The following RELN variants were observed in gnomAD, a reference collection of about 807,000 sequenced individuals.
RELN encodes reelin.
In RELN, 108 loss-of-function variants were observed where a neutral mutation model predicts 427.6. That is an observed-to-expected ratio of 0.25 (90% CI 0.22 to 0.30). The LOEUF is 0.30. Ranked by LOEUF, RELN falls within the 10% of genes least tolerant of loss-of-function variation. The pLI is 1.00. For missense variants in RELN, 3,715 were observed against 4,302.8 expected, an observed-to-expected ratio of 0.86 and a Z score of 3.82; for synonymous variants, 1,524 against 1,513.4, an observed-to-expected ratio of 1.01 and a Z score of -0.16.
chr7:103,868,100 CCATATGGACA>C (rs1794243344), intron 2 of RELN, among the ~76,000 whole-genome samples: 1 of 152,076 alleles, frequency 6.6e-6, no homozygotes, highest in Non-Finnish European at 1.5e-5. Flanking sequence ...GGATGGCACT[CCATATGGACA>C]CAAATACAGA....
chr7:103,688,453 G>T (rs922657489), intron 10 of RELN, among the ~76,000 whole-genome samples: 6 of 152,052 alleles, frequency 3.9e-5, no homozygotes, highest in African/African-American at 1.2e-4. Context: ...ACATTGCATG[G>T]AAGATGAATT....
chr7:103,559,721 T>TG (rs1830601412), intron 36 of RELN, among the ~76,000 whole-genome samples: 1 of 152,194 alleles, frequency 6.6e-6, no homozygotes, highest in Admixed American at 6.5e-5. Flanking sequence ...ACTAGAGGTG[T>TG]GCACCACTGT....
chr7:103,568,779 T>C (rs1018190822), intron 31 of RELN, among the ~76,000 whole-genome samples: 4 of 152,156 alleles, frequency 2.6e-5, no homozygotes, highest in Non-Finnish European at 5.9e-5. Flanking sequence ...AGGCTGAGAT[T>C]GAGATTACTT....
In RELN at chr7:103,575,623, C is replaced by T. The variant is rs374927338; in HGVS notation, c.4228G>A (p.Glu1410Lys). 100 of 1,614,124 alleles carry T rather than the reference C, an allele frequency of 6.2e-5. No individual in the cohort carries two copies. In the South Asian group the frequency reaches 7.7e-4, roughly 12 times the overall value. Residue 1410 changes from glutamate to lysine, a missense_variant, in exon 29 of 65, where the codon GAG becomes AAG. Physicochemically the swap from Glu to Lys is moderately conservative, Grantham distance 56 (BLOSUM62 1). Around this residue, in one of 4 missense-constraint regions of RELN, gnomAD observed 2,208 missense variants for 2,361.7 expected, o/e 0.93. Transcript: ENST00000428762. ...PFGLDGVYIS[E>K]PCPSYCSGHG... ...CCACTGCAGTAACTGGGACAAGGCTCGGATATGTACACTCCATCTAAACCA... is the reference window on the plus strand; with the variant it reads ...CCACTGCAGTAACTGGGACAAGGCTTGGATATGTACACTCCATCTAAACCA...
chr7:103,731,504 C>T (rs78932964), intron 6 of RELN, among the ~76,000 whole-genome samples: 4,308 of 152,058 alleles, frequency 0.028, 73 homozygotes, highest in Middle Eastern at 0.065. Context: ...TTTTTTATCT[C>T]CACTTAGACG....
intron 2 of RELN, among the ~76,000 whole-genome samples, chr7:103,878,585 T>C (rs62482298): frequency 0.13 from 19,342 of 152,030 alleles, 1,494 homozygotes; most frequent in East Asian, 0.34. Context: ...GCTCCAGCAA[T>C]GCAGGCTCTG....
At chr7:103,823,204 C>T (rs983556788) in intron 3 of RELN, among the ~76,000 whole-genome samples, 3 of 151,070 alleles carry the variant, frequency 2.0e-5, no homozygotes, top group African/African-American at 7.3e-5. Context: ...CATCTCTGTA[C>T]TTTCAATGTT....
intron 2 of RELN, among the ~76,000 whole-genome samples, chr7:103,898,346 C>G (rs1396180651): frequency 2.0e-5 from 3 of 152,006 alleles, no homozygotes; most frequent in Admixed American, 6.6e-5. Flanking sequence ...CTTATTTAAT[C>G]ATTTCCCTAT....
At chr7:103,858,805 C>A (rs988673482) in intron 2 of RELN, among the ~76,000 whole-genome samples, 2 of 152,090 alleles carry the variant, frequency 1.3e-5, no homozygotes, top group Non-Finnish European at 2.9e-5. Context: ...CAAATGTGGA[C>A]AATGTGATAC....
At chr7:103,960,401 G>A (rs536914267) in intron 1 of RELN, among the ~76,000 whole-genome samples, 5 of 152,222 alleles carry the variant, frequency 3.3e-5, no homozygotes, top group Admixed American at 6.5e-5. Flanking sequence ...CACCTTTGGC[G>A]TGGGGGACTC....
rs115122833 is a variant in RELN at position 103,902,525 on chromosome 7, T to C, written c.337+14550A>G. 5.8e-3 allele frequency among the ~76,000 whole-genome samples: 878 copies of C among 152,156 alleles called. 10 individuals carry two copies. The highest frequency in any genetic ancestry group is 0.02 in the African/African-American group (817 of 41,534). ...CATGGTTCTGATGTATGAAAACATG[T>C]AGGAAGAAAAGCAGGAGAAGAGCTC... On this transcript the variant is annotated intron_variant, in intron 2 of 64. Coordinates refer to ENST00000428762, the MANE Select transcript of RELN (RefSeq NM_005045.4).
intron 63 of RELN, among the ~76,000 whole-genome samples, chr7:103,479,322 A>G (rs769586861): frequency 1.2e-4 from 19 of 152,358 alleles, no homozygotes; most frequent in Non-Finnish European, 2.2e-4. Context: ...ATATACTGAA[A>G]AATAAATATT....
intron 6 of RELN, among the ~76,000 whole-genome samples, chr7:103,728,948 C>T (rs1007027390): frequency 1.2e-4 from 19 of 152,034 alleles, no homozygotes; most frequent in Non-Finnish European, 2.1e-4. Context: ...TACTATAAAA[C>T]GAAGTGGTTA....
chr7:103,521,846 T>C (rs1829714919), intron 48 of RELN, among the ~76,000 whole-genome samples, 176 bp downstream of exon 48: 1 of 152,244 alleles, frequency 6.6e-6, no homozygotes, highest in Non-Finnish European at 1.5e-5. Flanking sequence ...AAGTATAGTA[T>C]AAAGTTATCT....
In RELN at chr7:103,603,553, G is replaced by T; in HGVS notation, c.3147-63C>A. ...CCACCTGCCAATGCAATGGCCCTCT[G>T]ACCTCAACCATTTCCCATGTCTTAC... On this transcript the variant is annotated intron_variant, in intron 23 of 64. Transcript: ENST00000428762. This position sits in a 1 kb window ranked among gnomAD's most constrained non-coding sequence, Gnocchi z 4.3. 3 of 1,200,510 alleles carry T rather than the reference G, an allele frequency of 2.5e-6. No homozygotes were observed. Among genetic ancestry groups the T allele is most frequent in the South Asian group, 1.2e-5 (1 of 82,618 alleles). 74.4% of individuals were successfully genotyped at this position (1,200,510 alleles called of 1,614,324 possible). A position where few individuals can be genotyped will look rare whatever the true frequency, so the allele number is the denominator to read the frequency against.
At chr7:103,961,127 T>C (rs1166246533) in intron 1 of RELN, among the ~76,000 whole-genome samples, 5 of 152,248 alleles carry the variant, frequency 3.3e-5, no homozygotes, top group African/African-American at 9.6e-5. Flanking sequence ...ATGCCTGTTA[T>C]AGGTACCTGT....
rs902447219 is a variant in RELN, at chr7:103,636,539, G to A, written c.2070-71C>T. The A allele has an allele frequency of 3.0e-6, 3 of 988,402 alleles. No individual in the cohort carries two copies. In the East Asian group the frequency reaches 7.7e-5, roughly 25 times the overall value. 61.2% of individuals were successfully genotyped at this position (988,402 alleles called of 1,614,324 possible). A position where few individuals can be genotyped will look rare whatever the true frequency, so the allele number is the denominator to read the frequency against. On this transcript the variant is annotated intron_variant, in intron 17 of 64. Coordinates refer to ENST00000428762, the MANE Select transcript of RELN (RefSeq NM_005045.4). ...CGGAGATTCTCGAATCTACTTTGGG[G>A]AGGAAGAAGTCCAGAGACTAGGATT...
At chr7:103,657,429 T>G (rs1461424581) in intron 12 of RELN, among the ~76,000 whole-genome samples, 1 of 152,012 alleles carries the variant, frequency 6.6e-6, no homozygotes, top group Non-Finnish European at 1.5e-5. Flanking sequence ...TAATTATATA[T>G]TAAGGATTTA....
chr7:103,722,533 T>C (rs1165405178), intron 8 of RELN, among the ~76,000 whole-genome samples: 3 of 151,956 alleles, frequency 2.0e-5, no homozygotes, highest in Non-Finnish European at 2.9e-5. Context: ...CCTTGAAAAA[T>C]AAAATGGAAG....
Sources: allele counts gnomAD v4.1 joint callset (sites outside exome capture counted in the v4.1 genomes callset), GRCh38; gene constraint gnomAD v4.1.1; regional missense constraint gnomAD v4.1.1; non-coding constraint Gnocchi (gnomAD v3.1); transcripts MANE v1.5; gene names NCBI Gene and HGNC (gene_info 2026-07-23, HGNC 2026-07-21).